The following DNAH6 variants were observed in gnomAD, a reference collection of about 807,000 sequenced individuals.
The protein encoded by DNAH6 is dynein axonemal heavy chain 6.
DNAH6 carries 340 observed loss-of-function variants against 491.4 expected under a neutral mutation model. The ratio of observed to expected loss-of-function variants is 0.69; its 90% confidence interval spans 0.63 to 0.76. The LOEUF (loss-of-function observed/expected upper bound fraction) is 0.76. DNAH6 is among the 30% of genes least tolerant of loss of function. DNAH6 has a pLI of 0.00. For synonymous variants in DNAH6, 1,603 were observed against 1,686.1 expected, an observed-to-expected ratio of 0.95 and a Z score of 1.21; for missense variants, 4,443 against 4,972.2, an observed-to-expected ratio of 0.89 and a Z score of 3.20.
chr2:84,747,468 C>T (rs1673068558), intron 63 of DNAH6, among the ~76,000 whole-genome samples: 1 of 152,208 alleles, frequency 6.6e-6, no homozygotes, highest in African/African-American at 2.4e-5. Context: ...CCATGTCCTG[C>T]ATCCTGAGCA....
intron 37 of DNAH6, among the ~76,000 whole-genome samples, chr2:84,667,682 C>G (rs1242265684): frequency 6.6e-6 from 1 of 152,146 alleles, no homozygotes; most frequent in African/African-American, 2.4e-5. Flanking sequence ...GACAGTGTGG[C>G]GATTCCTCAA....
At chr2:84,616,675 T>G (rs1384798345) in intron 22 of DNAH6, among the ~76,000 whole-genome samples, 1 of 152,144 alleles carries the variant, frequency 6.6e-6, no homozygotes, top group South Asian at 2.1e-4. Flanking sequence ...TTGCTGATAA[T>G]GTGATTGTAA....
intron 67 of DNAH6, among the ~76,000 whole-genome samples, chr2:84,786,867 G>A (rs372826399): frequency 2.8e-4 from 42 of 152,032 alleles, no homozygotes; most frequent in African/African-American, 8.7e-4. Flanking sequence ...TTTTTTTTCT[G>A]CTTTGATGAG....
the DNAH6 span, among the ~76,000 whole-genome samples, chr2:84,480,221 G>A: frequency 6.6e-6 from 1 of 152,046 alleles, no homozygotes; most frequent in African/African-American, 2.4e-5. Context: ...AATTTTCCCC[G>A]AGGTTACTCC....
intron 53 of DNAH6, 84 bp from the exon 54 acceptor site, chr2:84,707,436 T>C (rs2104854935): frequency 4.8e-6 from 6 of 1,251,990 alleles, no homozygotes; most frequent in Non-Finnish European, 6.5e-6. Flanking sequence ...GCTATTCTGC[T>C]ATAAAAAGAA....
rs1421563423 is a variant in DNAH6 at position 84,701,325 on chromosome 2, A to G, written c.8047A>G (p.Lys2683Glu). ...LYLSMLSEKR[K>E]QIISARDRVK... is the part of the protein sequence containing the mutation. ...CCTGTCTATGCTGTCTGAAAAAAGG[A>G]AGCAGATTATTTCAGTAGGTTCAAT... Residue 2683 changes from lysine to glutamate, a missense_variant, in exon 49 of 77, where the codon AAG becomes GAG. Physicochemically the swap from Lys to Glu is moderately conservative, Grantham distance 56. This residue lies in a region of DNAH6 where 2,977 missense variants were observed against 3,296.6 expected (regional missense o/e 0.90). Transcript: ENST00000389394. 2 of 1,549,378 alleles carry G rather than the reference A, an allele frequency of 1.3e-6. No individual in the cohort carries two copies. Among genetic ancestry groups the G allele is most frequent in the Non-Finnish European group, 1.7e-6 (2 of 1,145,428 alleles).
chr2:84,637,510 T>C, intron 31 of DNAH6, 133 bp downstream of exon 31: 2 of 1,035,728 alleles, frequency 1.9e-6, no homozygotes, highest in South Asian at 4.8e-5. Flanking sequence ...GTAGATATGA[T>C]TGTTATCACA....
chr2:84,509,191 G>T, the DNAH6 span, among the ~76,000 whole-genome samples: 1 of 152,128 alleles, frequency 6.6e-6, no homozygotes, highest in Non-Finnish European at 1.5e-5. Context: ...CTTTATTATT[G>T]TGTGGGAGTC....
chr2:84,810,166 C>G (rs1352565013), intron 72 of DNAH6, among the ~76,000 whole-genome samples: 2 of 152,170 alleles, frequency 1.3e-5, no homozygotes, highest in Non-Finnish European at 2.9e-5. Context: ...AAGGCCCCAT[C>G]ATCTCAGGTC....
chr2:84,505,142 A>AT, the DNAH6 span, among the ~76,000 whole-genome samples: 10 of 151,850 alleles, frequency 6.6e-5, no homozygotes, highest in African/African-American at 2.4e-4. Flanking sequence ...TTTCTTTTTC[A>AT]TTTTTTGATT....
chr2:84,559,424 A>C (rs1680421495), intron 11 of DNAH6, among the ~76,000 whole-genome samples: 1 of 152,178 alleles, frequency 6.6e-6, no homozygotes. Flanking sequence ...GCTGCAAAAC[A>C]AAAAAGAACC....
rs550930436 is a variant in DNAH6 at position 84,772,731 on chromosome 2, G to A, written c.10704-8762G>A. ...AATGTCCCATCTTTAATAAGGGATA[G>A]AACAATTACGAAAAATAAATAAGGT... On this transcript the variant is annotated intron_variant, in intron 64 of 76. Transcript: ENST00000389394. 1.2e-4 allele frequency among the ~76,000 whole-genome samples: 18 copies of A among 152,102 alleles called. No individual in the cohort carries two copies. In the South Asian group the frequency reaches 3.7e-3, roughly 31 times the overall value.
intron 9 of DNAH6, among the ~76,000 whole-genome samples, chr2:84,550,611 G>C (rs1240563060): frequency 6.6e-6 from 1 of 152,140 alleles, no homozygotes; most frequent in Non-Finnish European, 1.5e-5. Context: ...CTGAGAGAAA[G>C]TTCCTGTCAC....
At chr2:84,598,759 C>T (rs538988199) in intron 18 of DNAH6, among the ~76,000 whole-genome samples, 26 of 152,182 alleles carry the variant, frequency 1.7e-4, no homozygotes, top group South Asian at 6.2e-4. Flanking sequence ...TGGCCGGGCA[C>T]GGTGGCTCAT....
chr2:84,705,137 T>C (rs1696305141), intron 51 of DNAH6, among the ~76,000 whole-genome samples: 1 of 152,226 alleles, frequency 6.6e-6, no homozygotes, highest in African/African-American at 2.4e-5. Context: ...TGTAGTGTCC[T>C]GGCAGGTGAT....
intron 4 of DNAH6, among the ~76,000 whole-genome samples, chr2:84,531,344 A>T (rs1159599377): frequency 0.011 from 15 of 1,364 alleles, 1 homozygote; most frequent in Admixed American, 0.04. Flanking sequence ...TTTATTTTTT[A>T]TTTTTTTTTA....
In DNAH6 at chr2:84,654,840, T is replaced by C. The variant is rs991355164; in HGVS notation, c.5757+58T>C. On this transcript the variant is annotated intron_variant, in intron 35 of 76. Coordinates refer to ENST00000389394, the MANE Select transcript of DNAH6 (RefSeq NM_001370.2). The stretch of plus-strand genomic sequence containing the variant: ...ATCTGTCAGGACTCATGTTGCCTTC[T>C]AGTGCACAAATAACAATAGGTTAAG... 5.9e-6 allele frequency: 9 copies of C among 1,532,188 alleles called. No homozygotes were observed. The Admixed American group carries it at 1.6e-4, about 27-fold the overall frequency. 94.9% of individuals were successfully genotyped at this position (1,532,188 alleles called of 1,614,324 possible). A position where few individuals can be genotyped will look rare whatever the true frequency, so the allele number is the denominator to read the frequency against.
intron 44 of DNAH6, among the ~76,000 whole-genome samples, chr2:84,687,738 G>A (rs750099302): frequency 6.6e-6 from 1 of 151,816 alleles, no homozygotes; most frequent in Non-Finnish European, 1.5e-5. Flanking sequence ...CAATAGAGAA[G>A]GGATATCATC....
chr2:84,760,339 C>A (rs912687849), intron 63 of DNAH6, among the ~76,000 whole-genome samples: 8 of 152,076 alleles, frequency 5.3e-5, no homozygotes, highest in Non-Finnish European at 1.2e-4. Context: ...AGCTTCTGCT[C>A]GGCAAAAGAA....
Sources: gnomAD v4.1 joint callset for allele counts (sites outside exome capture counted in the v4.1 genomes callset) on GRCh38, gnomAD v4.1.1 for gene constraint, gnomAD v4.1.1 regional missense constraint, MANE v1.5 for transcripts, NCBI Gene and HGNC (gene_info 2026-07-23, HGNC 2026-07-21) for gene names.